Variants in KMT2C observed in about 807,000 individuals in gnomAD.
The protein encoded by KMT2C is lysine methyltransferase 2C.
KMT2C carries 88 observed loss-of-function variants against 507.9 expected under a neutral mutation model. That is an observed-to-expected ratio of 0.17 (90% CI 0.15 to 0.21). The LOEUF (loss-of-function observed/expected upper bound fraction) is 0.21, where lower values mean the gene tolerates loss of function less well. Ranked by LOEUF, KMT2C falls within the 10% of genes least tolerant of loss-of-function variation. The pLI is 1.00. For synonymous variants in KMT2C, 2,049 were observed against 2,080.8 expected (o/e 0.98, Z 0.42); for missense variants, 4,954 against 5,957.8 (o/e 0.83, Z 5.55).
At chr7:152,277,368 G>A (rs891388142) in intron 6 of KMT2C, among the ~76,000 whole-genome samples, 7 of 152,126 alleles carry the variant, frequency 4.6e-5, no homozygotes, top group African/African-American at 1.7e-4. Flanking sequence ...GATCCAGAAG[G>A]TGCAATGTCT....
chr7:152,272,549 T>C (rs944829494), intron 7 of KMT2C, among the ~76,000 whole-genome samples: 1 of 152,184 alleles, frequency 6.6e-6, no homozygotes, highest in African/African-American at 2.4e-5. Flanking sequence ...AGTACATAAA[T>C]AGTAGCCGTA....
chr7:152,368,409 A>G (rs1376706632), intron 1 of KMT2C: 12 of 1,129,316 alleles, frequency 1.1e-5, no homozygotes, highest in Middle Eastern at 2.4e-4. Flanking sequence ...TGAAGAAGAT[A>G]GAGATGGAGA....
intron 2 of KMT2C, among the ~76,000 whole-genome samples, chr7:152,347,484 T>C (rs560902302): frequency 7.9e-5 from 12 of 152,344 alleles, no homozygotes; most frequent in African/African-American, 2.4e-4. Context: ...TCAAAGATGA[T>C]TGGTATCCCA....
At chr7:152,180,653 G>A in intron 36 of KMT2C, 58 bp downstream of exon 36, 4 of 1,308,528 alleles carry the variant, frequency 3.1e-6, no homozygotes, top group Non-Finnish European at 4.2e-6. Context: ...TCAGTTTGAT[G>A]AAATGAACAG....
rs1255451454 is a variant in KMT2C, at chr7:152,177,583, C to G, written c.7870G>C (p.Asp2624His). Residue 2624 changes from aspartate (D) to histidine (H), a missense_variant, in exon 38 of 59, where the codon GAT becomes CAT. By Grantham distance (81) the Asp-to-His change is moderately conservative (BLOSUM62 -1). Around this residue, in one of 29 missense-constraint regions of KMT2C, gnomAD observed 1,689 missense variants for 1,654.3 expected, o/e 1.02. Coordinates refer to ENST00000262189, the MANE Select transcript of KMT2C (RefSeq NM_170606.3). ...GLPNQLPVHP[D>H]LEQVPPSQQE... ...TGAGATGGTGGCACTTGTTCCAAAT[C>G]TGGGTGCACAGGTAGCTGATTAGGT... The G allele has an allele frequency of 6.2e-7, 1 of 1,614,062 alleles. No homozygotes were observed. The highest frequency in any genetic ancestry group is 1.3e-5 in the African/African-American group (1 of 74,918).
chr7:152,179,208 T>C (rs541450244), intron 37 of KMT2C, among the ~76,000 whole-genome samples: 2 of 152,302 alleles, frequency 1.3e-5, no homozygotes, highest in African/African-American at 2.4e-5. Context: ...GTTGGCCAGG[T>C]TGGTCTCGAA....
chr7:152,229,035 G>A (rs1331466724), intron 18 of KMT2C, among the ~76,000 whole-genome samples: 1 of 152,126 alleles, frequency 6.6e-6, no homozygotes, highest in Non-Finnish European at 1.5e-5. Flanking sequence ...AGATAATGTT[G>A]ATTTGCTTAC....
At chr7:152,340,267 C>T (rs1234864665) in intron 2 of KMT2C, among the ~76,000 whole-genome samples, 1 of 151,822 alleles carries the variant, frequency 6.6e-6, no homozygotes, top group Non-Finnish European at 1.5e-5. Flanking sequence ...GAATTACAGG[C>T]ATGAGCCACC....
chr7:152,203,210 G>T, intron 25 of KMT2C, 146 bp from the exon 26 acceptor site: 1 of 559,006 alleles, frequency 1.8e-6, no homozygotes, highest in Non-Finnish European at 2.8e-6. Context: ...AATCAAGTTT[G>T]TTACTTTTAA....
At chr7:152,308,673 CAAAAAA>C (rs938826373) in intron 6 of KMT2C, among the ~76,000 whole-genome samples, 27 of 24,566 alleles carry the variant, frequency 1.1e-3, no homozygotes, top group African/African-American at 3.3e-3. Flanking sequence ...AAACTCCTCT[CAAAAAA>C]AAAAAAAAAA....
intron 9 of KMT2C, among the ~76,000 whole-genome samples, chr7:152,255,909 C>A (rs746511111): frequency 1.3e-5 from 2 of 152,260 alleles, no homozygotes; most frequent in Non-Finnish European, 2.9e-5. Flanking sequence ...TGGCTCACAA[C>A]TGCAATCCCA....
At chr7:152,219,056 G>A (rs1168753469) in intron 23 of KMT2C, among the ~76,000 whole-genome samples, 11 of 150,698 alleles carry the variant, frequency 7.3e-5, no homozygotes, top group African/African-American at 1.7e-4. Context: ...TGTAACCTCC[G>A]CCTCCCAGGT....
chr7:152,228,352 G>C (rs745850330), intron 18 of KMT2C, among the ~76,000 whole-genome samples: 29 of 152,144 alleles, frequency 1.9e-4, no homozygotes, highest in Non-Finnish European at 3.4e-4. Context: ...TTAAAAAGAA[G>C]CTTCAAAGGT....
intron 2 of KMT2C, among the ~76,000 whole-genome samples, chr7:152,348,523 C>T (rs1243558800): frequency 1.4e-5 from 2 of 145,234 alleles, no homozygotes; most frequent in Non-Finnish European, 3.0e-5. Context: ...CGCCTGAACC[C>T]GGGAGGTGGA....
intron 1 of KMT2C, among the ~76,000 whole-genome samples, chr7:152,390,735 T>G (rs1489307251): frequency 6.6e-6 from 1 of 152,156 alleles, no homozygotes; most frequent in Non-Finnish European, 1.5e-5. Flanking sequence ...CCATGCCGTT[T>G]GATATTAAGG....
rs2129115386 is a variant in KMT2C at position 152,177,782 on chromosome 7, T to C, written c.7671A>G (p.Ala2557=). The C allele has an allele frequency of 1.2e-6, 2 of 1,614,076 alleles. No homozygotes were observed. Among genetic ancestry groups the C allele is most frequent in the Non-Finnish European group, 1.7e-6 (2 of 1,180,006 alleles). ...PVQQHNILGQ[A]YIELRHRAPD... is the part of the protein sequence containing the mutation. ...GAGCCCTATGTCTCAGTTCAATATA[T>C]GCTTGGCCCAGTATGTTGTGCTGCT... Residue 2557 remains alanine, a synonymous_variant, in exon 38 of 59, where the codon GCA becomes GCG. Coordinates refer to ENST00000262189, the MANE Select transcript of KMT2C (RefSeq NM_170606.3).
chr7:152,301,843 G>A (rs561461132), intron 6 of KMT2C, among the ~76,000 whole-genome samples: 4 of 152,126 alleles, frequency 2.6e-5, no homozygotes, highest in African/African-American at 2.4e-5. Flanking sequence ...ATTACCTTAC[G>A]TAAAGATTCA....
intron 1 of KMT2C, among the ~76,000 whole-genome samples, chr7:152,361,287 A>G (rs984229290): frequency 3.3e-5 from 5 of 152,194 alleles, no homozygotes; most frequent in East Asian, 1.9e-4. Context: ...TAGGCTGGGC[A>G]CGGTGGCTCA....
At chr7:152,339,459 A>G (rs994565603) in intron 2 of KMT2C, among the ~76,000 whole-genome samples, 1 of 152,234 alleles carries the variant, frequency 6.6e-6, no homozygotes, top group Non-Finnish European at 1.5e-5. Flanking sequence ...TAGTTATTAA[A>G]TTCACTGCTA....
Sources: allele counts gnomAD v4.1 joint callset (sites outside exome capture counted in the v4.1 genomes callset), GRCh38; gene constraint gnomAD v4.1.1; regional missense constraint gnomAD v4.1.1; transcripts MANE v1.5; gene names NCBI Gene and HGNC (gene_info 2026-07-23, HGNC 2026-07-21).